The following KIR3DL1 variants were observed in gnomAD, a reference collection of about 807,000 sequenced individuals.
KIR3DL1 encodes killer cell immunoglobulin-like receptor 3DL1.
Under a neutral mutation model 40.3 loss-of-function variants are expected in KIR3DL1, and 50 were observed. The ratio of observed to expected loss-of-function variants is 1.24; its 90% confidence interval spans 0.99 to 1.57. KIR3DL1 has a LOEUF of 1.57. Ranked by LOEUF, KIR3DL1 falls within the 40% of genes most tolerant of loss-of-function variation. The probability of loss-of-function intolerance (pLI) is 0.00; values close to 1 mark genes in which losing one functional copy is unlikely to be tolerated. For synonymous variants in KIR3DL1, 257 were observed against 207.2 expected, an observed-to-expected ratio of 1.24 and a Z score of -2.07; for missense variants, 661 against 559.9, an observed-to-expected ratio of 1.18 and a Z score of -1.82.
At chr19:54,824,350 T>A (rs2061778482) in intron 5 of KIR3DL1, among the ~76,000 whole-genome samples, 1 of 151,494 alleles carries the variant, frequency 6.6e-6, no homozygotes. Flanking sequence ...GACTGTCCTT[T>A]CCTGATTGTA....
intron 5 of KIR3DL1, among the ~76,000 whole-genome samples, chr19:54,822,402 A>G (rs2061685041): frequency 6.6e-6 from 1 of 151,260 alleles, no homozygotes; most frequent in African/African-American, 2.4e-5. Context: ...AGGAAGGTGG[A>G]TCATTTAAGA....
At chr19:54,825,909 C>T (rs2061862840) in intron 6 of KIR3DL1, among the ~76,000 whole-genome samples, 1 of 151,196 alleles carries the variant, frequency 6.6e-6, no homozygotes, top group South Asian at 2.1e-4. Flanking sequence ...CCTTACCACA[C>T]CTCTTTCTCT....
At chr19:54,821,609 G>C (rs1465998465) in exon 5 of KIR3DL1, 6 of 1,608,498 alleles carry the variant, frequency 3.7e-6, no homozygotes, top group Non-Finnish European at 5.1e-6. Context: ...GGGCCCCAAG[G>C]TTCAGGCAGG....
chr19:54,817,194 T>A (rs62124089), intron 1 of KIR3DL1, among the ~76,000 whole-genome samples: 4 of 122,140 alleles, frequency 3.3e-5, no homozygotes, highest in African/African-American at 1.3e-4. Flanking sequence ...CTGGAGTGGA[T>A]ATATGAGCCT....
chr19:54,819,029 C>A (rs2061499914), intron 3 of KIR3DL1, among the ~76,000 whole-genome samples: 1 of 151,042 alleles, frequency 6.6e-6, no homozygotes, highest in South Asian at 2.1e-4. Flanking sequence ...GACCACTAGT[C>A]ACAGAATGCA....
At position 54,817,186 on chromosome 19, in the gene KIR3DL1, G is replaced by T. The variant is rs1276257424; in HGVS notation, c.35-348G>T. ...GGGCCTGGAGTGGAGATATGAGCCTGGAGTGGATATATGAGCCTGGAGTTG... is the reference window on the plus strand; with the variant it reads ...GGGCCTGGAGTGGAGATATGAGCCTTGAGTGGATATATGAGCCTGGAGTTG... On this transcript the variant is annotated intron_variant, in intron 1 of 8. Coordinates refer to ENST00000391728, the Ensembl canonical transcript of KIR3DL1. Among the ~76,000 whole-genome samples, 4 of 146,562 alleles carry T rather than the reference G, an allele frequency of 2.7e-5. 2 individuals are homozygous for T. In the East Asian group the frequency reaches 8.2e-4, roughly 30 times the overall value.
intron 4 of KIR3DL1, among the ~76,000 whole-genome samples, chr19:54,820,908 A>G (rs1225268682): frequency 3.3e-5 from 5 of 151,172 alleles, no homozygotes; most frequent in Non-Finnish European, 7.4e-5. Context: ...GAGATGATAG[A>G]TGGATAGATA....
intron 6 of KIR3DL1, among the ~76,000 whole-genome samples, chr19:54,828,460 T>C (rs1019654448): frequency 1.3e-5 from 2 of 151,060 alleles, no homozygotes; most frequent in African/African-American, 4.9e-5. Flanking sequence ...GGTTCATTAC[T>C]AACAGATAAG....
At chr19:54,824,919 G>A (rs766112424) in intron 5 of KIR3DL1, 109 bp from the exon 6 acceptor site, 1 of 992,290 alleles carries the variant, frequency 1.0e-6, no homozygotes, top group Non-Finnish European at 1.6e-6. Flanking sequence ...GACTCCCAGG[G>A]TCCAACATTA....
intron 6 of KIR3DL1, among the ~76,000 whole-genome samples, chr19:54,825,756 C>T (rs1377143625): frequency 6.9e-4 from 50 of 72,572 alleles, no homozygotes; most frequent in African/African-American, 2.2e-3. Flanking sequence ...TGCCTTCCCT[C>T]TGAGGATTCC....
In KIR3DL1 at chr19:54,818,700, G is replaced by A. The variant is rs2061483022; in HGVS notation, c.355+101G>A. ...GGGTCCCATCACCCAGGCCCTGACT[G>A]TATTTGGGGTCAAGGGAGATTGAAT... On this transcript the variant is annotated intron_variant, in intron 3 of 8. Coordinates refer to ENST00000391728, the Ensembl canonical transcript of KIR3DL1. The A allele has an allele frequency of 7.5e-6, 11 of 1,460,490 alleles. No homozygotes were observed. The East Asian group carries it at 2.0e-4, about 27-fold the overall frequency. The allele number at this position is 1,460,490 out of a possible 1,614,324, so 90.5% of individuals were successfully genotyped here. A position where few individuals can be genotyped will look rare whatever the true frequency, so the allele number is the denominator to read the frequency against.
At chr19:54,830,425 T>A in exon 9 of KIR3DL1, 1 of 977,472 alleles carries the variant, frequency 1.0e-6, no homozygotes, top group Non-Finnish European at 1.5e-6. Flanking sequence ...ACAAATCTGG[T>A]GCCTCTCTCT....
intron 6 of KIR3DL1, among the ~76,000 whole-genome samples, chr19:54,826,274 G>A (rs1330554378): frequency 4.7e-5 from 7 of 150,038 alleles, no homozygotes; most frequent in Non-Finnish European, 8.8e-5. Flanking sequence ...ATAAATGAAT[G>A]ATCCATTGGG....
At chr19:54,825,103 C>G (rs1478936991) in intron 6 of KIR3DL1, 25 bp downstream of exon 6, 1 of 1,457,618 alleles carries the variant, frequency 6.9e-7, no homozygotes, top group African/African-American at 1.4e-5. Flanking sequence ...CCTCTTATCT[C>G]TGCTTTTGGA....
rs1278273163 is a variant in KIR3DL1, at chr19:54,818,445, C to A, written c.201C>A (p.His67Gln). ...TGCTATACAAAGAAGACAGAATCCA[C>A]ATTCCCATCTTCCATGGCAGAATAT... is the stretch of plus-strand genomic sequence containing the variant. The change falls in exon 3 of 9, where the codon CAC becomes CAA. Residue 67 changes from histidine (H) to glutamine (Q), a missense_variant. His to Gln is a conservative substitution (Grantham distance 24). Coordinates refer to ENST00000391728, the Ensembl canonical transcript of KIR3DL1. 14 of 1,607,002 alleles carry A rather than the reference C, an allele frequency of 8.7e-6. No individual in the cohort carries two copies. In the African/African-American group the frequency reaches 1.5e-4, roughly 17 times the overall value.
rs1248363691 is a variant in KIR3DL1, at chr19:54,819,648, T to C, written c.356-65T>C. ...ACACGGGGAGGGGAACCCTCACTCA[T>C]TCCAGGTGCCATGGATGGGATGATA... is the stretch of plus-strand genomic sequence containing the variant. On this transcript the variant is annotated intron_variant, in intron 3 of 8. Coordinates refer to ENST00000391728, the Ensembl canonical transcript of KIR3DL1. 3.3e-5 allele frequency: 51 copies of C among 1,539,382 alleles called. 4 individuals are homozygous for C. In the African/African-American group the frequency reaches 5.1e-4, roughly 16 times the overall value.
intron 5 of KIR3DL1, among the ~76,000 whole-genome samples, chr19:54,824,348 T>G (rs2061778370): frequency 1.3e-5 from 2 of 151,516 alleles, no homozygotes; most frequent in African/African-American, 4.9e-5. Flanking sequence ...AAGACTGTCC[T>G]TTCCTGATTG....
At position 54,821,007 on chromosome 19, in the gene KIR3DL1, G is replaced by GATGATGATA. The variant is rs1335561926; in HGVS notation, c.656-557_656-556insTGATGATAA. ...TGACTGATAGATGATACATAGAGAT[G>GATGATGATA]ACGATGATGATGATAGACACATAGA... On this transcript the variant is annotated intron_variant, in intron 4 of 8. Transcript: ENST00000391728. Among the ~76,000 whole-genome samples, 4 of 150,052 alleles carry GATGATGATA rather than the reference G, an allele frequency of 2.7e-5. No individual in the cohort carries two copies. The East Asian group carries it at 7.8e-4, about 29-fold the overall frequency.
intron 7 of KIR3DL1, 86 bp downstream of exon 7, chr19:54,829,551 C>A: frequency 8.7e-7 from 1 of 1,152,006 alleles, no homozygotes; most frequent in Non-Finnish European, 1.2e-6. Flanking sequence ...TCCTCACTGG[C>A]AGGATGGTCC....
Sources: allele counts gnomAD v4.1 joint callset (sites outside exome capture counted in the v4.1 genomes callset), GRCh38; gene constraint gnomAD v4.1.1; transcripts MANE v1.5; gene names NCBI Gene and HGNC (gene_info 2026-07-23, HGNC 2026-07-21).